The following DLG2 variants were observed in gnomAD, a reference collection of about 807,000 sequenced individuals.
DLG2 encodes the protein disks large homolog 2.
DLG2 carries 45 observed loss-of-function variants against 132.5 expected under a neutral mutation model. The ratio of observed to expected loss-of-function variants is 0.34; its 90% CI spans 0.27 to 0.44. The LOEUF is 0.44. Ranked by LOEUF, DLG2 falls within the 20% of genes least tolerant of loss-of-function variation. The pLI, the probability that DLG2 is intolerant of heterozygous loss-of-function variation, is 1.00. For missense variants in DLG2, 1,045 were observed against 1,196.9 expected (o/e 0.87, Z 1.87); for synonymous variants, 424 against 419.6 (o/e 1.01, Z -0.13).
At chr11:84,651,890 A>T (rs749093628) in intron 6 of DLG2, among the ~76,000 whole-genome samples, 2 of 152,166 alleles carry the variant, frequency 1.3e-5, no homozygotes, top group African/African-American at 2.4e-5. Context: ...AGTCATGAGT[A>T]CCAATATACA....
chr11:83,753,777 T>C (rs1472988847), intron 18 of DLG2, among the ~76,000 whole-genome samples: 2 of 131,586 alleles, frequency 1.5e-5, no homozygotes, highest in Non-Finnish European at 3.1e-5. Context: ...TGATATGGCA[T>C]ATATATGTCA....
At chr11:84,187,110 T>C (rs1319847473) in intron 8 of DLG2, among the ~76,000 whole-genome samples, 8 of 149,464 alleles carry the variant, frequency 5.4e-5, no homozygotes, top group Non-Finnish European at 1.0e-4. Flanking sequence ...TTAAATATTA[T>C]ATCTTTATAT....
intron 19 of DLG2, among the ~76,000 whole-genome samples, chr11:83,581,319 T>G (rs2096971920): frequency 6.6e-6 from 1 of 152,158 alleles, no homozygotes; most frequent in African/African-American, 2.4e-5. Flanking sequence ...TGGGAACTGC[T>G]GCCTTAAAAA....
At chr11:84,656,925 T>C (rs1282533495) in intron 6 of DLG2, among the ~76,000 whole-genome samples, 1 of 152,184 alleles carries the variant, frequency 6.6e-6, no homozygotes, top group Non-Finnish European at 1.5e-5. Flanking sequence ...TTCAAACTAA[T>C]AGTTTTGTTT....
At chr11:85,055,379 G>T (rs574788620) in intron 6 of DLG2, among the ~76,000 whole-genome samples, 2 of 152,238 alleles carry the variant, frequency 1.3e-5, no homozygotes, top group East Asian at 3.9e-4. Flanking sequence ...AACAAGTCAC[G>T]AAGTCAGCCA....
At chr11:83,503,841 T>C (rs535845004) in intron 21 of DLG2, among the ~76,000 whole-genome samples, 9 of 152,242 alleles carry the variant, frequency 5.9e-5, no homozygotes, top group Admixed American at 1.3e-4. Flanking sequence ...CACTCAGTAT[T>C]AACCATCACA....
chr11:83,619,338 C>A (rs905585347), intron 19 of DLG2, among the ~76,000 whole-genome samples: 2 of 152,094 alleles, frequency 1.3e-5, no homozygotes, highest in East Asian at 1.9e-4. Context: ...ATTTTAAGTA[C>A]CTACAGGAAT....
At chr11:85,395,532 G>A (rs145780197) in intron 3 of DLG2, among the ~76,000 whole-genome samples, 1 of 152,160 alleles carries the variant, frequency 6.6e-6, no homozygotes, top group African/African-American at 2.4e-5. Context: ...CATACCTAGA[G>A]AAACGGTACA....
At chr11:83,577,017 T>C (rs1340920956) in intron 19 of DLG2, among the ~76,000 whole-genome samples, 3 of 152,162 alleles carry the variant, frequency 2.0e-5, no homozygotes, top group African/African-American at 7.2e-5. Context: ...CAAAGGAGAT[T>C]AACATTTGAG....
intron 6 of DLG2, among the ~76,000 whole-genome samples, chr11:84,688,740 A>T (rs2057662631): frequency 6.6e-6 from 1 of 152,166 alleles, no homozygotes; most frequent in African/African-American, 2.4e-5. Flanking sequence ...AGGCCCTCAG[A>T]CAAGATCAGC....
chr11:84,937,379 C>G (rs1240426323), intron 6 of DLG2, among the ~76,000 whole-genome samples: 1 of 91,250 alleles, frequency 1.1e-5, no homozygotes. Context: ...TAGGTCATAC[C>G]AGACCAAAAA....
At chr11:84,018,464 AATT>A (rs1438359950) in intron 11 of DLG2, among the ~76,000 whole-genome samples, 1 of 152,010 alleles carries the variant, frequency 6.6e-6, no homozygotes, top group Non-Finnish European at 1.5e-5. Context: ...CTCTTTGCAA[AATT>A]ATTCCAGATA....
At chr11:85,537,136 T>C (rs988500259) in intron 3 of DLG2, among the ~76,000 whole-genome samples, 1 of 152,196 alleles carries the variant, frequency 6.6e-6, no homozygotes, top group African/African-American at 2.4e-5. Context: ...ATCAGAACTC[T>C]GTGTCTAGCT....
At chr11:85,046,260 C>T (rs2062337199) in intron 6 of DLG2, among the ~76,000 whole-genome samples, 1 of 151,956 alleles carries the variant, frequency 6.6e-6, no homozygotes, top group Non-Finnish European at 1.5e-5. Flanking sequence ...GGGTGGAGAT[C>T]CCTCAGCAGT....
intron 3 of DLG2, among the ~76,000 whole-genome samples, chr11:85,463,753 A>G (rs1207832026): frequency 6.6e-6 from 1 of 152,138 alleles, no homozygotes; most frequent in Non-Finnish European, 1.5e-5. Flanking sequence ...TCTGAACAAC[A>G]CAGAAAGACC....
chr11:85,430,035 A>C (rs1416842686), intron 3 of DLG2, among the ~76,000 whole-genome samples: 1 of 152,194 alleles, frequency 6.6e-6, no homozygotes, highest in South Asian at 2.1e-4. Context: ...GCCATAAAAA[A>C]TGATGAGTTC....
intron 6 of DLG2, among the ~76,000 whole-genome samples, chr11:84,559,183 A>G (rs1181730187): frequency 6.6e-6 from 1 of 152,122 alleles, no homozygotes; most frequent in Non-Finnish European, 1.5e-5. Context: ...TATGTAGAGT[A>G]CCCAACAAAG....
At chr11:83,551,873 C>CA (rs2096399384) in intron 19 of DLG2, among the ~76,000 whole-genome samples, 2 of 152,110 alleles carry the variant, frequency 1.3e-5, no homozygotes, top group Non-Finnish European at 2.9e-5. Context: ...GTGCCAGGCA[C>CA]TCTATAGTTT....
chr11:85,583,130 GTATATATATATATATATATATATATATA>G (rs3068386), intron 3 of DLG2, among the ~76,000 whole-genome samples: 3 of 13,598 alleles, frequency 2.2e-4, no homozygotes, highest in Non-Finnish European at 3.2e-4. Context: ...GTGTGTGTGT[GTATATATATATATATATATATATATATA>G]TATATATATA....
Sources: allele counts gnomAD v4.1 joint callset (sites outside exome capture counted in the v4.1 genomes callset), GRCh38; gene constraint gnomAD v4.1.1; transcripts MANE v1.5; gene names NCBI Gene and HGNC (gene_info 2026-07-23, HGNC 2026-07-21).